RAB11FIP4: variants seen among roughly 807,000 people sequenced by gnomAD.
The protein encoded by RAB11FIP4 is rab11 family-interacting protein 4.
RAB11FIP4 carries 23 observed loss-of-function variants against 74.3 expected under a neutral mutation model. The ratio of observed to expected loss-of-function variants is 0.31; its 90% CI spans 0.22 to 0.44. The LOEUF (loss-of-function observed/expected upper bound fraction) is 0.44, where lower values mean the gene tolerates loss of function less well. RAB11FIP4 is among the 20% of genes least tolerant of loss of function. RAB11FIP4 has a pLI of 1.00. For missense variants in RAB11FIP4, 630 were observed against 863.9 expected, an observed-to-expected ratio of 0.73 and a Z score of 3.39; for synonymous variants, 360 against 359.9, an observed-to-expected ratio of 1.00 and a Z score of 0.00.
At chr17:31,403,073 T>C (rs1275695689) in intron 1 of RAB11FIP4, among the ~76,000 whole-genome samples, 2 of 151,962 alleles carry the variant, frequency 1.3e-5, no homozygotes, top group Non-Finnish European at 2.9e-5. Context: ...ATGGTGGCTA[T>C]TGCATCATTT....
At chr17:31,411,587 T>C (rs889332944) in intron 1 of RAB11FIP4, among the ~76,000 whole-genome samples, 1 of 152,160 alleles carries the variant, frequency 6.6e-6, no homozygotes, top group South Asian at 2.1e-4. Flanking sequence ...GTTACACTGG[T>C]CCTCCACCCC....
intron 4 of RAB11FIP4, among the ~76,000 whole-genome samples, chr17:31,520,674 A>G (rs763909964): frequency 6.6e-6 from 1 of 151,902 alleles, no homozygotes; most frequent in Non-Finnish European, 1.5e-5. Flanking sequence ...CGCCCGGCTA[A>G]TTTTTTGTAT....
chr17:31,471,595 C>T (rs1198253163), intron 3 of RAB11FIP4, among the ~76,000 whole-genome samples: 2 of 152,196 alleles, frequency 1.3e-5, no homozygotes, highest in Admixed American at 1.3e-4. Flanking sequence ...TGGCGGAGCC[C>T]AGCTGCAAAG....
chr17:31,399,938 G>A (rs141770944), intron 1 of RAB11FIP4, among the ~76,000 whole-genome samples: 154 of 151,666 alleles, frequency 1.0e-3, no homozygotes, highest in Non-Finnish European at 1.8e-3. Flanking sequence ...AGCTACTCGG[G>A]AGGCTGAGGC....
At position 31,534,568 on chromosome 17, in the gene RAB11FIP4, A is replaced by G. The variant is rs1383295681; in HGVS notation, c.*2836A>G. The G allele has an allele frequency of 6.6e-6, 1 of 152,184 alleles. No homozygotes were observed. 9.4% of individuals were successfully genotyped at this position (152,184 alleles called of 1,614,324 possible). ...ATGAGCCACCATGCCTGGCCAGGAC[A>G]TATTTGAAATGGGGAGATTTTAAAA... On this transcript the variant is annotated 3_prime_UTR_variant, in exon 15 of 15. Transcript: ENST00000621161.
rs2071334972 is a variant in RAB11FIP4 at position 31,434,038 on chromosome 17, CGAGGA to C, written c.254_258del (p.Glu85AlafsTer37). 2.5e-6 allele frequency: 4 copies of C among 1,581,510 alleles called. No individual in the cohort carries two copies. In the African/African-American group the frequency reaches 5.3e-5, roughly 21 times the overall value. ...TGTGTCTGCCTGTCTGCGCAGGGTGCGAGGAGCTGCTGAAGGATGTGCTGTCGGTG... is the reference window on the plus strand; with the variant it reads ...TGTGTCTGCCTGTCTGCGCAGGGTGCGCTGCTGAAGGATGTGCTGTCGGTG... On this transcript the variant is annotated frameshift_variant, in exon 3 of 15. Transcript: ENST00000621161. LOFTEE classifies it high-confidence loss of function.
At chr17:31,504,707 TAATATCACCC>T (rs2072284742) in intron 3 of RAB11FIP4, among the ~76,000 whole-genome samples, 1 of 152,238 alleles carries the variant, frequency 6.6e-6, no homozygotes, top group South Asian at 2.1e-4. Flanking sequence ...CATAATTCCC[TAATATCACCC>T]AATATCTACT....
chr17:31,392,055 AGCCCCGCCGCCCCT>A, intron 1 of RAB11FIP4, 44 bp downstream of exon 1: 3 of 1,088,388 alleles, frequency 2.8e-6, no homozygotes, highest in Non-Finnish European at 2.2e-6. Context: ...ACCCCAGCCC[AGCCCCGCCGCCCCT>A]CCCCCAGCTC....
intron 3 of RAB11FIP4, among the ~76,000 whole-genome samples, chr17:31,445,532 TTATATATATATATATATA>T (rs1208804229): frequency 2.7e-5 from 1 of 36,592 alleles, no homozygotes; most frequent in Non-Finnish European, 4.2e-5. Flanking sequence ...TTTCCCAATT[TTATATATATATATATATA>T]TATATATATA....
intron 3 of RAB11FIP4, among the ~76,000 whole-genome samples, chr17:31,493,792 C>CT (rs1167904447): frequency 6.6e-6 from 1 of 152,142 alleles, no homozygotes; most frequent in East Asian, 1.9e-4. Context: ...CTCCCTCTGC[C>CT]TGTGGGCAGG....
chr17:31,524,555 C>A (rs1289322998), intron 9 of RAB11FIP4: 2 of 178,650 alleles, frequency 1.1e-5, no homozygotes, highest in Non-Finnish European at 1.2e-5. Context: ...TTTGTACACC[C>A]CAGAAGGTCA....
intron 1 of RAB11FIP4, among the ~76,000 whole-genome samples, chr17:31,418,962 CG>C (rs2071173725): frequency 6.6e-6 from 1 of 152,186 alleles, no homozygotes; most frequent in African/African-American, 2.4e-5. Flanking sequence ...CCCTCCTCCT[CG>C]CTCTTGGCAC....
At position 31,525,171 on chromosome 17, in the gene RAB11FIP4, C is replaced by T. The variant is rs1051700847; in HGVS notation, c.1215C>T (p.Arg405=). The change falls in exon 10 of 15, where the codon CGC becomes CGT. Residue 405 remains arginine, a synonymous_variant. Coordinates refer to ENST00000621161, the MANE Select transcript of RAB11FIP4 (RefSeq NM_032932.6). The part of the protein sequence containing the change: ...QALEEEARRH[R]EAYGKLEREK... ...TGGAGGAGGAGGCGCGGCGCCACCG[C>T]GAGGCCTACGGCAAGCTGGAGAGGG... 36 of 1,546,316 alleles carry T rather than the reference C, an allele frequency of 2.3e-5. No homozygotes were observed. The highest frequency in any genetic ancestry group is 6.9e-5 in the African/African-American group (5 of 72,444).
intron 3 of RAB11FIP4, among the ~76,000 whole-genome samples, chr17:31,501,530 T>G (rs2072220764): frequency 6.6e-6 from 1 of 152,022 alleles, no homozygotes; most frequent in Non-Finnish European, 1.5e-5. Context: ...TGATTTGGTT[T>G]GGTTTGGTTT....
chr17:31,424,670 G>C (rs1055550647), intron 1 of RAB11FIP4, among the ~76,000 whole-genome samples: 1 of 150,318 alleles, frequency 6.7e-6, no homozygotes, highest in East Asian at 2.0e-4. Context: ...CCGCCTCCCA[G>C]GTTCAAGTGA....
In RAB11FIP4 at chr17:31,531,835, GTC is replaced by G. The variant is rs1323848671; in HGVS notation, c.*109_*110del. ...CGGGCCTCACACTCACACTGTAAAT[GTC>G]TCTCTGGCCACCATGCGTTACGTGT... On this transcript the variant is annotated 3_prime_UTR_variant, in exon 15 of 15. Coordinates refer to ENST00000621161, the MANE Select transcript of RAB11FIP4 (RefSeq NM_032932.6). 4.0e-6 allele frequency: 3 copies of G among 753,810 alleles called. No individual in the cohort carries two copies. Among genetic ancestry groups the G allele is most frequent in the Admixed American group, 2.1e-5 (1 of 47,982 alleles). The allele number at this position is 753,810 out of a possible 1,614,324, so 46.7% of individuals were successfully genotyped here. A position where few individuals can be genotyped will look rare whatever the true frequency, so the allele number is the denominator to read the frequency against.
At position 31,409,036 on chromosome 17, in the gene RAB11FIP4, G is replaced by A. The variant is rs551059553; in HGVS notation, c.159+17025G>A. ...AGATGAAACATGCACACAGACGGCCGCAGAGTTGATCCGGGCAGCCAGATG... is the reference window on the plus strand; with the variant it reads ...AGATGAAACATGCACACAGACGGCCACAGAGTTGATCCGGGCAGCCAGATG... On this transcript the variant is annotated intron_variant, in intron 1 of 14. Coordinates refer to ENST00000621161, the MANE Select transcript of RAB11FIP4 (RefSeq NM_032932.6). Among the ~76,000 whole-genome samples the A allele has an allele frequency of 1.2e-4, 19 of 152,346 alleles. No homozygotes were observed. In the East Asian group the frequency reaches 2.3e-3, roughly 19 times the overall value.
rs1350597729 is a variant in RAB11FIP4 at position 31,505,576 on chromosome 17, TATATA to T, written c.337-12071_337-12067del. On this transcript the variant is annotated intron_variant, in intron 3 of 14. Transcript: ENST00000621161. ...TAATAATAATTATAATATATAATAA[TATATA>T]ATAATAATTATATATTATATAATAA... 2.5e-4 allele frequency among the ~76,000 whole-genome samples: 19 copies of T among 76,876 alleles called. 1 individual carries two copies. The East Asian group carries it at 5.0e-3, about 20-fold the overall frequency. The allele number at this position is 76,876 out of a possible 152,430, so 50.4% of individuals were successfully genotyped here. A position where few individuals can be genotyped will look rare whatever the true frequency, so the allele number is the denominator to read the frequency against.
intron 1 of RAB11FIP4, among the ~76,000 whole-genome samples, chr17:31,394,602 G>C (rs1356487650): frequency 6.6e-6 from 1 of 151,964 alleles, no homozygotes; most frequent in Non-Finnish European, 1.5e-5. Flanking sequence ...CTGTTTCTTG[G>C]CCCTTATTCC....
Sources: allele counts gnomAD v4.1 joint callset (sites outside exome capture counted in the v4.1 genomes callset), GRCh38; gene constraint gnomAD v4.1.1; transcripts MANE v1.5; gene names NCBI Gene and HGNC (gene_info 2026-07-23, HGNC 2026-07-21).